Variants in SERPINB8 observed in about 807,000 individuals in gnomAD.
SERPINB8 encodes the protein serpin family B member 8, also known as serpin B8.
In SERPINB8, 25 loss-of-function variants were observed where a neutral mutation model predicts 35.3. That is an observed-to-expected ratio of 0.71 (90% CI 0.52 to 0.99). The LOEUF is 0.99. Among genes scored for constraint, SERPINB8 ranks in the 50% least tolerant of loss-of-function variants. The pLI, the probability that SERPINB8 is intolerant of heterozygous loss-of-function variation, is 0.00. For missense variants in SERPINB8, 484 were observed against 446.5 expected, an observed-to-expected ratio of 1.08 and a Z score of -0.76; for synonymous variants, 186 against 160.8, an observed-to-expected ratio of 1.16 and a Z score of -1.19.
chr18:63,976,968 A>G (rs2050592138), intron 1 of SERPINB8, among the ~76,000 whole-genome samples: 1 of 151,856 alleles, frequency 6.6e-6, no homozygotes, highest in Non-Finnish European at 1.5e-5. Context: ...TCTCAAACAA[A>G]CCCTCCAAAT....
rs765624844 is a variant in SERPINB8 at position 63,985,149 on chromosome 18, G to A, written c.624G>A (p.Ala208=). 133 of 1,614,016 alleles carry A rather than the reference G, an allele frequency of 8.2e-5. 2 individuals carry two copies. In the Admixed American group the frequency reaches 1.5e-3, roughly 19 times the overall value. ...AAGCTAAGTTTAAAATGGGGTATGC[G>A]GATGAGGTACACACCCAGGTCCTGG... The part of the protein sequence containing the change: ...FKEAKFKMGY[A]DEVHTQVLEL... Residue 208 remains alanine (A), a synonymous_variant, in exon 6 of 7, where the codon GCG becomes GCA. Coordinates refer to ENST00000397985, the MANE Select transcript of SERPINB8 (RefSeq NM_002640.4).
intron 1 of SERPINB8, among the ~76,000 whole-genome samples, chr18:63,974,642 C>A (rs2144788901): frequency 6.6e-6 from 1 of 152,286 alleles, no homozygotes; most frequent in South Asian, 2.1e-4. Context: ...GTGGCATTGG[C>A]ACCTAAAGTA....
intron 1 of SERPINB8, among the ~76,000 whole-genome samples, chr18:63,977,455 G>A (rs2050599254): frequency 6.6e-6 from 1 of 151,986 alleles, no homozygotes; most frequent in African/African-American, 2.4e-5. Context: ...AGCCTTCCAA[G>A]TAGCTGGGAT....
intron 1 of SERPINB8, among the ~76,000 whole-genome samples, chr18:64,003,521 G>A (rs1172252917): frequency 1.5e-4 from 2 of 13,402 alleles, no homozygotes; most frequent in Non-Finnish European, 3.5e-4. Context: ...AGGGACAAAT[G>A]TGTGTGTGTG....
chr18:63,996,022 C>T (rs1033697131), intron 1 of SERPINB8, among the ~76,000 whole-genome samples: 7 of 152,130 alleles, frequency 4.6e-5, no homozygotes, highest in African/African-American at 7.2e-5. Context: ...GGTGAGGGGT[C>T]GGGTTTCTCA....
downstream of SERPINB8, chr18:64,005,736 G>A (rs1018768221): frequency 2.6e-5 from 4 of 152,158 alleles, no homozygotes; most frequent in African/African-American, 9.7e-5. Flanking sequence ...TTTATTCAAT[G>A]CTATTACTAT....
chr18:63,981,440 G>A (rs1199609620), intron 3 of SERPINB8, among the ~76,000 whole-genome samples: 4 of 152,188 alleles, frequency 2.6e-5, no homozygotes, highest in Admixed American at 1.3e-4. Flanking sequence ...ATGCTCCTGT[G>A]ATGTTTTGTG....
At position 64,013,017 on chromosome 18, in the gene SERPINB8, T is replaced by C. The variant is rs2050932721; in HGVS notation, c.*3-5893T>C. ...TTAGAAGAGTTCTACTATTGGGCTC[T>C]ATCAGCCACATTCAAATCTCCTTTT... On this transcript the variant is annotated intron_variant, in intron 7 of 7. Transcript: ENST00000636430. Among the ~76,000 whole-genome samples, 4 of 152,220 alleles carry C rather than the reference T, an allele frequency of 2.6e-5. No homozygotes were observed. The South Asian group carries it at 8.3e-4, about 32-fold the overall frequency.
intron 1 of SERPINB8, among the ~76,000 whole-genome samples, chr18:63,975,888 T>C (rs968092098): frequency 1.3e-5 from 2 of 152,200 alleles, no homozygotes; most frequent in Non-Finnish European, 2.9e-5. Flanking sequence ...TCCTGTGCTC[T>C]AAGAGACCCA....
At chr18:63,992,087 G>A (rs569110974), downstream of SERPINB8, among the ~76,000 whole-genome samples, 1 of 152,124 alleles carries the variant, frequency 6.6e-6, no homozygotes, top group Non-Finnish European at 1.5e-5. Flanking sequence ...ACATTAGTCT[G>A]TACTATTCCT....
chr18:63,996,014 T>G (rs1406064046), intron 1 of SERPINB8, among the ~76,000 whole-genome samples: 1 of 152,092 alleles, frequency 6.6e-6, no homozygotes, highest in East Asian at 1.9e-4. Context: ...TCATGATGGG[T>G]GAGGGGTCGG....
chr18:63,987,024 G>C lies in SERPINB8; in HGVS notation c.871G>C (p.Ala291Pro), dbSNP rs775649736. 1.2e-6 allele frequency: 2 copies of C among 1,614,190 alleles called. No individual in the cohort carries two copies. Among genetic ancestry groups the C allele is most frequent in the South Asian group, 2.2e-5 (2 of 91,084 alleles). Residue 291 changes from alanine (A) to proline (P), a missense_variant, in exon 7 of 7, where the codon GCT (alanine) becomes CCT (proline). Ala to Pro is a conservative substitution (Grantham distance 27). Coordinates refer to ENST00000397985, the MANE Select transcript of SERPINB8 (RefSeq NM_002640.4). ...PFLRRLGMID[A>P]FDEAKADFSG... Reference sequence around the variant, plus strand: ...CCTTCGAAGATTAGGAATGATCGATGCTTTTGACGAAGCCAAGGCAGACTT... The same window carrying C: ...CCTTCGAAGATTAGGAATGATCGATCCTTTTGACGAAGCCAAGGCAGACTT...
chr18:64,003,793 G>A (rs2050887501), intron 1 of SERPINB8, among the ~76,000 whole-genome samples: 1 of 152,100 alleles, frequency 6.6e-6, no homozygotes, highest in Non-Finnish European at 1.5e-5. Context: ...TTTGTTGTAT[G>A]CAGGCCTTTG....
chr18:63,992,145 C>T (rs2050827833), downstream of SERPINB8, among the ~76,000 whole-genome samples: 1 of 152,082 alleles, frequency 6.6e-6, no homozygotes, highest in South Asian at 2.1e-4. Flanking sequence ...ATTCTGGTCT[C>T]AAAGAATGAG....
At chr18:63,990,568 A>G (rs1474585835), downstream of SERPINB8, among the ~76,000 whole-genome samples, 1 of 151,324 alleles carries the variant, frequency 6.6e-6, no homozygotes, top group East Asian at 1.9e-4. Context: ...CACAATGTGC[A>G]GGTTTGTTAC....
downstream of SERPINB8, among the ~76,000 whole-genome samples, chr18:64,009,051 A>G (rs528265636): frequency 1.3e-5 from 2 of 152,338 alleles, no homozygotes; most frequent in South Asian, 4.1e-4. Flanking sequence ...TTGCATTTTT[A>G]TGCATCTAAA....
rs184810149 is a variant in SERPINB8, at chr18:63,977,988, G to A, written c.-10-311G>A. On this transcript the variant is annotated intron_variant, in intron 1 of 6. Transcript: ENST00000397985. ...CCCTATCCCTCTGACCTCTGCTTCC[G>A]TCCTCATGTCTCTGTCTCTGACTCT... Among the ~76,000 whole-genome samples, 12 of 152,108 alleles carry A rather than the reference G, an allele frequency of 7.9e-5. No homozygotes were observed. In the East Asian group the frequency reaches 9.7e-4, roughly 12 times the overall value.
chr18:64,014,725 A>G (rs756072982), intron 7 of SERPINB8, among the ~76,000 whole-genome samples: 27 of 152,118 alleles, frequency 1.8e-4, no homozygotes, highest in African/African-American at 9.7e-5. Context: ...AGTATTTTGC[A>G]TGCTGCTTCT....
At chr18:63,980,575 G>A (rs2050655349) in intron 3 of SERPINB8, among the ~76,000 whole-genome samples, 1 of 152,150 alleles carries the variant, frequency 6.6e-6, no homozygotes, top group Non-Finnish European at 1.5e-5. Flanking sequence ...CTCCTCTAAG[G>A]CTCAAATACA....
Sources: gnomAD v4.1 joint callset for allele counts (sites outside exome capture counted in the v4.1 genomes callset) on GRCh38, gnomAD v4.1.1 for gene constraint, MANE v1.5 for transcripts, NCBI Gene and HGNC (gene_info 2026-07-23, HGNC 2026-07-21) for gene names.